The following PRICKLE2 variants were observed in gnomAD, a reference collection of about 807,000 sequenced individuals.
The protein encoded by PRICKLE2 is prickle-like protein 2.
A neutral mutation model predicts 81.4 loss-of-function variants in PRICKLE2; 21 were observed. The ratio of observed to expected loss-of-function variants is 0.26; its 90% CI spans 0.18 to 0.37. The LOEUF (loss-of-function observed/expected upper bound fraction) is 0.37, where lower values mean the gene tolerates loss of function less well. PRICKLE2 is among the 10% of genes least tolerant of loss of function. The pLI, the probability that PRICKLE2 is intolerant of heterozygous loss-of-function variation, is 1.00. For synonymous variants in PRICKLE2, 456 were observed against 421.5 expected, an observed-to-expected ratio of 1.08 and a Z score of -1.00; for missense variants, 940 against 1,109.0, an observed-to-expected ratio of 0.85 and a Z score of 2.16.
chr3:64,194,738 G>A (rs1208155509), intron 2 of PRICKLE2, among the ~76,000 whole-genome samples: 1 of 152,176 alleles, frequency 6.6e-6, no homozygotes, highest in Non-Finnish European at 1.5e-5. Context: ...CACTGTTTGA[G>A]TTTGAAATGA....
chr3:64,163,203 T>A, intron 2 of PRICKLE2, 74 bp from the exon 3 acceptor site: 1 of 890,666 alleles, frequency 1.1e-6, no homozygotes, highest in Non-Finnish European at 1.9e-6. Context: ...ACTGGGAAGA[T>A]GATTCCCCCA....
At chr3:64,232,557 C>G (rs1382267800) in intron 2 of PRICKLE2, among the ~76,000 whole-genome samples, 15 of 26,390 alleles carry the variant, frequency 5.7e-4, no homozygotes, top group Non-Finnish European at 2.9e-4. Context: ...CCTTCTCAGG[C>G]TCTTTTGCTG....
intron 1 of PRICKLE2, among the ~76,000 whole-genome samples, chr3:64,202,638 T>TTGTGTGTGTGTG (rs1442686594): frequency 4.3e-5 from 3 of 69,018 alleles, no homozygotes; most frequent in African/African-American, 8.7e-5. Context: ...GTTTAGGTAC[T>TTGTGTGTGTGTG]TGTGTGCGTG....
intron 7 of PRICKLE2, among the ~76,000 whole-genome samples, chr3:64,130,048 A>C (rs187094910): frequency 3.3e-4 from 51 of 152,332 alleles, no homozygotes; most frequent in Admixed American, 2.9e-3. Flanking sequence ...CACACTGGCA[A>C]ACTGCTCTAA....
intron 7 of PRICKLE2, among the ~76,000 whole-genome samples, chr3:64,120,919 T>C (rs559663736): frequency 6.6e-6 from 1 of 152,246 alleles, no homozygotes; most frequent in Non-Finnish European, 1.5e-5. Context: ...CATTATCCTG[T>C]CTCTGCCAAC....
chr3:64,188,967 C>G (rs907451977), intron 2 of PRICKLE2, among the ~76,000 whole-genome samples: 1 of 152,188 alleles, frequency 6.6e-6, no homozygotes, highest in Non-Finnish European at 1.5e-5. Context: ...TCTTGTTATT[C>G]AGCTATTAAG....
intron 2 of PRICKLE2, among the ~76,000 whole-genome samples, chr3:64,241,015 C>T (rs763800892): frequency 9.2e-5 from 14 of 152,208 alleles, no homozygotes; most frequent in African/African-American, 2.9e-4. Context: ...CACCAGAGGT[C>T]GAGAAACTTT....
At position 64,099,547 on chromosome 3, in the gene PRICKLE2, C is replaced by T. The variant is rs1308230146; in HGVS notation, c.2039G>A (p.Arg680His). Residue 680 changes from arginine (R) to histidine (H), a missense_variant, in exon 8 of 8, where the codon CGC becomes CAC. This residue lies in a region of PRICKLE2 where 670 missense variants were observed against 717.2 expected (regional missense o/e 0.93). Transcript: ENST00000638394. The surrounding 1 kb of genome is among the most constrained non-coding windows in gnomAD (Gnocchi z 4.3). ...CCTGGACCTGTGAGGTCGGAAACGG[C>T]GGTTGTCGTCGCGTGAAGTAGCTCT... ...RRRATSRDDNRRFRPHRSRRS... is the reference protein window; with the variant it reads ...RRRATSRDDNHRFRPHRSRRS... 1.9e-6 allele frequency: 3 copies of T among 1,609,088 alleles called. No homozygotes were observed. Among genetic ancestry groups the T allele is most frequent in the South Asian group, 2.2e-5 (2 of 91,034 alleles).
In PRICKLE2 at chr3:64,094,057, G is replaced by C. The variant is rs190966782; in HGVS notation, c.*4994C>G. 1.3e-5 allele frequency: 2 copies of C among 152,546 alleles called. No homozygotes were observed. The highest frequency in any genetic ancestry group is 4.8e-5 in the African/African-American group (2 of 41,404). 9.4% of individuals were successfully genotyped at this position (152,546 alleles called of 1,614,324 possible). On this transcript the variant is annotated 3_prime_UTR_variant, in exon 8 of 8. Coordinates refer to ENST00000638394, the MANE Select transcript of PRICKLE2 (RefSeq NM_198859.4). The stretch of plus-strand genomic sequence containing the variant: ...CACTCAACACAGAACACAGACTCTG[G>C]CCTGCCTCACCTTCCCAGGCCCTTT...
intron 1 of PRICKLE2, among the ~76,000 whole-genome samples, chr3:64,209,700 C>T (rs2078755334): frequency 6.6e-6 from 1 of 152,248 alleles, no homozygotes; most frequent in African/African-American, 2.4e-5. Flanking sequence ...ATGCTGGGCA[C>T]ACGACAGTCA....
At chr3:64,256,969 T>G (rs951817030) in intron 2 of PRICKLE2, among the ~76,000 whole-genome samples, 4 of 152,204 alleles carry the variant, frequency 2.6e-5, no homozygotes, top group African/African-American at 9.6e-5. Context: ...GTTTGGTAAC[T>G]GAGCCTAATA....
At chr3:64,205,537 G>T (rs760177049) in intron 1 of PRICKLE2, among the ~76,000 whole-genome samples, 1 of 152,132 alleles carries the variant, frequency 6.6e-6, no homozygotes, top group Non-Finnish European at 1.5e-5. Flanking sequence ...TTGAGATTTT[G>T]ACAGGTTATT....
chr3:64,267,005 C>T (rs1393073804), intron 2 of PRICKLE2, among the ~76,000 whole-genome samples: 2 of 151,754 alleles, frequency 1.3e-5, no homozygotes, highest in Non-Finnish European at 2.9e-5. Context: ...TAGGTACACA[C>T]AAGTGAACAG....
intron 2 of PRICKLE2, among the ~76,000 whole-genome samples, chr3:64,177,263 G>A (rs1042738136): frequency 1.3e-5 from 2 of 148,366 alleles, no homozygotes; most frequent in African/African-American, 5.0e-5. Context: ...AGCCTCCCGA[G>A]TAGCTGGGAT....
At chr3:64,212,464 G>A (rs903123177) in intron 1 of PRICKLE2, among the ~76,000 whole-genome samples, 5 of 152,152 alleles carry the variant, frequency 3.3e-5, no homozygotes, top group Admixed American at 2.6e-4. Context: ...TTCAAGGCAA[G>A]GATCAGAAGA....
chr3:64,095,583 C>T lies in PRICKLE2; in HGVS notation c.*3468G>A, dbSNP rs2076561421. 1 of 152,186 alleles carries T rather than the reference C, an allele frequency of 6.6e-6. No homozygotes were observed. The highest frequency in any genetic ancestry group is 2.4e-5 in the African/African-American group (1 of 41,442). The allele number at this position is 152,186 out of a possible 1,614,324, so 9.4% of individuals were successfully genotyped here. Reference sequence around the variant, plus strand: ...GCTACATATATGTCATCACAGGCCTCACCTGAATTGAACAATAGCTAGTAG... The same window carrying T: ...GCTACATATATGTCATCACAGGCCTTACCTGAATTGAACAATAGCTAGTAG... On this transcript the variant is annotated 3_prime_UTR_variant, in exon 8 of 8. Transcript: ENST00000638394.
At chr3:64,207,265 G>A (rs958017385) in intron 1 of PRICKLE2, among the ~76,000 whole-genome samples, 4 of 152,136 alleles carry the variant, frequency 2.6e-5, no homozygotes, top group African/African-American at 9.7e-5. Flanking sequence ...TTATTATAAA[G>A]TTATTACTTC....
chr3:64,244,039 C>G (rs2079309677), intron 2 of PRICKLE2, among the ~76,000 whole-genome samples: 1 of 152,214 alleles, frequency 6.6e-6, no homozygotes, highest in Non-Finnish European at 1.5e-5. Flanking sequence ...GAAGACCCAT[C>G]ACCTGTTTGA....
intron 4 of PRICKLE2, among the ~76,000 whole-genome samples, chr3:64,158,078 G>C (rs778200678): frequency 6.6e-6 from 1 of 152,214 alleles, no homozygotes; most frequent in African/African-American, 2.4e-5. Context: ...TTGGGGTTGG[G>C]ACAAAAAGAA....
Sources: allele counts gnomAD v4.1 joint callset (sites outside exome capture counted in the v4.1 genomes callset), GRCh38; gene constraint gnomAD v4.1.1; regional missense constraint gnomAD v4.1.1; non-coding constraint Gnocchi (gnomAD v3.1); transcripts MANE v1.5; gene names NCBI Gene and HGNC (gene_info 2026-07-23, HGNC 2026-07-21).